NCALD: variants seen among roughly 807,000 people sequenced by gnomAD.
NCALD encodes the protein neurocalcin-delta.
NCALD carries 10 observed loss-of-function variants against 18.6 expected under a neutral mutation model. The ratio of observed to expected loss-of-function variants is 0.54; its 90% CI spans 0.33 to 0.91. The LOEUF (loss-of-function observed/expected upper bound fraction) is 0.91. NCALD is among the 40% of genes least tolerant of loss of function. NCALD has a pLI of 0.03. For synonymous variants in NCALD, 88 were observed against 87.4 expected, an observed-to-expected ratio of 1.01 and a Z score of -0.04; for missense variants, 184 against 247.6, an observed-to-expected ratio of 0.74 and a Z score of 1.72.
intron 1 of NCALD, among the ~76,000 whole-genome samples, chr8:101,732,114 G>T (rs1026994344): frequency 2.6e-5 from 4 of 152,232 alleles, no homozygotes; most frequent in Non-Finnish European, 1.5e-5. Context: ...CCTCAAGGCT[G>T]CCATAGGTTA....
chr8:101,742,113 C>T (rs572103373), intron 1 of NCALD, among the ~76,000 whole-genome samples: 5 of 148,754 alleles, frequency 3.4e-5, no homozygotes, highest in East Asian at 2.0e-4. Context: ...ATTAGCTGGG[C>T]GTGGTGGTGG....
chr8:101,830,107 C>A (rs1586592896), intron 4 of NCALD, among the ~76,000 whole-genome samples: 1 of 151,266 alleles, frequency 6.6e-6, no homozygotes, highest in East Asian at 1.9e-4. Flanking sequence ...GATGGGGGAA[C>A]TGCAGAGGTT....
At chr8:102,050,340 ACAGT>A (rs1339732175) in intron 1 of NCALD, among the ~76,000 whole-genome samples, 3 of 151,692 alleles carry the variant, frequency 2.0e-5, no homozygotes, top group Non-Finnish European at 2.9e-5. Context: ...TTTGAGTAAA[ACAGT>A]CAGGACATAG....
chr8:102,063,598 A>G (rs935415128), intron 1 of NCALD, among the ~76,000 whole-genome samples: 7 of 152,182 alleles, frequency 4.6e-5, no homozygotes, highest in South Asian at 2.1e-4. Flanking sequence ...GATTTCTTCC[A>G]GTCACAGTTG....
intron 1 of NCALD, among the ~76,000 whole-genome samples, chr8:101,736,968 C>T (rs191359762): frequency 6.8e-4 from 103 of 152,190 alleles, no homozygotes; most frequent in Non-Finnish European, 1.4e-3. Flanking sequence ...AGAAATGATT[C>T]TCAGTTGTTT....
chr8:101,720,278 T>C (rs1816290323), intron 1 of NCALD, among the ~76,000 whole-genome samples: 1 of 152,202 alleles, frequency 6.6e-6, no homozygotes. Context: ...TGTTGGGTTT[T>C]GATAGTAAAG....
chr8:101,890,769 A>C (rs487987), intron 3 of NCALD, among the ~76,000 whole-genome samples: 50,076 of 152,108 alleles, frequency 0.33, 9,884 homozygotes, highest in African/African-American at 0.54. Flanking sequence ...TAAATTACCC[A>C]GTCTCAGGTA....
chr8:101,919,525 C>A (rs1484750800), intron 2 of NCALD, among the ~76,000 whole-genome samples: 1 of 151,914 alleles, frequency 6.6e-6, no homozygotes, highest in Non-Finnish European at 1.5e-5. Context: ...CAAAAACTGA[C>A]AAATAAGAAC....
chr8:101,740,722 C>A (rs967996970), intron 1 of NCALD, among the ~76,000 whole-genome samples: 6 of 152,156 alleles, frequency 3.9e-5, no homozygotes, highest in African/African-American at 9.7e-5. Context: ...GACAAAAAAA[C>A]CAACAAAGCC....
intron 2 of NCALD, among the ~76,000 whole-genome samples, chr8:101,952,306 C>G (rs985044006): frequency 1.3e-5 from 2 of 152,188 alleles, no homozygotes; most frequent in Non-Finnish European, 2.9e-5. Flanking sequence ...CACACCAGAC[C>G]CCGCTGAAAT....
chr8:102,094,120 A>G (rs952514654), intron 1 of NCALD, among the ~76,000 whole-genome samples: 4 of 152,236 alleles, frequency 2.6e-5, no homozygotes, highest in Non-Finnish European at 4.4e-5. Context: ...ATCACACTCT[A>G]AAAGGATCAC....
intron 1 of NCALD, among the ~76,000 whole-genome samples, chr8:102,059,271 C>G (rs1823759936): frequency 6.6e-6 from 1 of 152,206 alleles, no homozygotes; most frequent in African/African-American, 2.4e-5. Flanking sequence ...TTGTAAGGTT[C>G]TCTGATGGGC....
chr8:102,122,976 G>A (rs1825985285), intron 1 of NCALD, among the ~76,000 whole-genome samples: 1 of 152,270 alleles, frequency 6.6e-6, no homozygotes, highest in South Asian at 2.1e-4. Context: ...ATCTGTCCTT[G>A]CCCCGCTACC....
rs560635580 is a variant in NCALD, at chr8:101,909,277, T to C, written c.-107+6532A>G. On this transcript the variant is annotated intron_variant, in intron 3 of 6. Coordinates refer to the NCALD transcript ENST00000311028. ...GTTGTAATTTTGTCTTTTGACAGGTTCCACTCATACTTTTCAGCACTCCTC... is the reference window on the plus strand; with the variant it reads ...GTTGTAATTTTGTCTTTTGACAGGTCCCACTCATACTTTTCAGCACTCCTC... Among the ~76,000 whole-genome samples the C allele has an allele frequency of 1.2e-4, 19 of 152,350 alleles. No homozygotes were observed. The South Asian group carries it at 3.9e-3, about 32-fold the overall frequency.
chr8:101,739,586 GA>G (rs1810096460), intron 1 of NCALD, among the ~76,000 whole-genome samples: 1 of 152,182 alleles, frequency 6.6e-6, no homozygotes. Flanking sequence ...GCAGAAGTTG[GA>G]AGGACTAGGC....
At chr8:101,849,107 C>T (rs868533745) in intron 4 of NCALD, among the ~76,000 whole-genome samples, 1 of 152,254 alleles carries the variant, frequency 6.6e-6, no homozygotes, top group Middle Eastern at 3.4e-3. Context: ...AATGCAGGAA[C>T]AGAAAACCAA....
At chr8:101,710,802 C>T (rs1815750825) in intron 2 of NCALD, among the ~76,000 whole-genome samples, 2 of 152,356 alleles carry the variant, frequency 1.3e-5, no homozygotes, top group African/African-American at 4.8e-5. Context: ...CTCCCTGGGA[C>T]AGAGCACCTG....
intron 4 of NCALD, among the ~76,000 whole-genome samples, chr8:101,864,015 T>C (rs1324786446): frequency 1.3e-5 from 2 of 152,192 alleles, no homozygotes; most frequent in Admixed American, 6.5e-5. Flanking sequence ...GATTCTAACA[T>C]GCAACAGAAC....
chr8:101,903,136 C>A (rs913301666), intron 3 of NCALD, among the ~76,000 whole-genome samples: 2 of 151,992 alleles, frequency 1.3e-5, no homozygotes, highest in African/African-American at 2.4e-5. Context: ...CACTGAAAGG[C>A]TTGATAAATA....
Sources: gnomAD v4.1 joint callset for allele counts (sites outside exome capture counted in the v4.1 genomes callset) on GRCh38, gnomAD v4.1.1 for gene constraint, MANE v1.5 for transcripts, NCBI Gene and HGNC (gene_info 2026-07-23, HGNC 2026-07-21) for gene names.